The following CCDC47 variants were observed in gnomAD, a reference collection of about 807,000 sequenced individuals.
The protein encoded by CCDC47 is PAT complex subunit CCDC47.
A neutral mutation model predicts 60.5 loss-of-function variants in CCDC47; 41 were observed. The ratio of observed to expected loss-of-function variants is 0.68; its 90% CI spans 0.53 to 0.88. The LOEUF (loss-of-function observed/expected upper bound fraction) is 0.88, where lower values mean the gene tolerates loss of function less well. Ranked by LOEUF, CCDC47 falls within the 40% of genes least tolerant of loss-of-function variation. The pLI, the probability that CCDC47 is intolerant of heterozygous loss-of-function variation, is 0.00. For synonymous variants in CCDC47, 195 were observed against 190.7 expected (o/e 1.02, Z -0.18); for missense variants, 513 against 580.9 (o/e 0.88, Z 1.20).
At chr17:63,757,964 G>A (rs1045451290) in intron 6 of CCDC47, among the ~76,000 whole-genome samples, 2 of 152,132 alleles carry the variant, frequency 1.3e-5, no homozygotes, top group African/African-American at 2.4e-5. Context: ...CCGTGAAAGA[G>A]AGGGAGGACG....
At chr17:63,750,568 C>A (rs1469351294) in intron 12 of CCDC47, among the ~76,000 whole-genome samples, 1 of 151,904 alleles carries the variant, frequency 6.6e-6, no homozygotes, top group African/African-American at 2.4e-5. Context: ...AAATTCACAT[C>A]TTTCAGAACT....
intron 8 of CCDC47, 117 bp from the exon 9 acceptor site, chr17:63,754,635 T>G: frequency 1.6e-6 from 1 of 613,348 alleles, no homozygotes; most frequent in Non-Finnish European, 2.8e-6. Context: ...TCCCCGCACT[T>G]TGGGAGGCAG....
chr17:63,748,486 G>A (rs1483661833), intron 12 of CCDC47, among the ~76,000 whole-genome samples: 6 of 151,800 alleles, frequency 4.0e-5, no homozygotes, highest in African/African-American at 9.7e-5. Flanking sequence ...GTGCAATGGC[G>A]CAATCCCGAC....
At position 63,760,917 on chromosome 17, in the gene CCDC47, T is replaced by C; in HGVS notation, c.732A>G (p.Gln244=). ...LARMMRPVSD[Q]VQIKVTMNDE... is the part of the protein sequence containing the mutation. Reference sequence around the variant, plus strand: ...AACCAGCGGGAAGAATACATACCACTTGATCACTCACTGGCCTCATCATCC... The same window carrying C: ...AACCAGCGGGAAGAATACATACCACCTGATCACTCACTGGCCTCATCATCC... The change falls in exon 6 of 13, where the codon CAA becomes CAG. Residue 244 remains glutamine, a synonymous_variant. Transcript: ENST00000225726. 2 of 1,609,110 alleles carry C rather than the reference T, an allele frequency of 1.2e-6. No homozygotes were observed. The highest frequency in any genetic ancestry group is 1.7e-6 in the Non-Finnish European group (2 of 1,175,830).
intron 2 of CCDC47, among the ~76,000 whole-genome samples, chr17:63,765,274 A>G (rs920168786): frequency 2.0e-5 from 3 of 152,140 alleles, no homozygotes; most frequent in Non-Finnish European, 2.9e-5. Context: ...TTACACCTCA[A>G]TAAAGCTGGG....
At position 63,748,477 on chromosome 17, in the gene CCDC47, T is replaced by C. The variant is rs148963499; in HGVS notation, c.1372-1516A>G. 3.0e-3 allele frequency among the ~76,000 whole-genome samples: 456 copies of C among 152,014 alleles called. 4 individuals are homozygous for C. The highest frequency in any genetic ancestry group is 0.01 in the African/African-American group (433 of 41,456). The stretch of plus-strand genomic sequence containing the variant: ...TTCGCTCTTGTTCCCCAGGCTGGAG[T>C]GCAATGGCGCAATCCCGACTCACTG... On this transcript the variant is annotated intron_variant, in intron 12 of 12. Transcript: ENST00000225726.
intron 4 of CCDC47, among the ~76,000 whole-genome samples, chr17:63,763,779 G>A (rs1432647367): frequency 6.6e-6 from 1 of 151,252 alleles, no homozygotes; most frequent in African/African-American, 2.4e-5. Flanking sequence ...AGCCGAGATC[G>A]CGCCACTGCA....
chr17:63,766,255 T>C (rs1056388977), intron 1 of CCDC47, 61 bp from the exon 2 acceptor site: 5 of 1,448,698 alleles, frequency 3.5e-6, no homozygotes, highest in Non-Finnish European at 3.7e-6. Context: ...TCAGATTTTA[T>C]AAACAGTAAA....
At chr17:63,748,546 T>A (rs1460423232) in intron 12 of CCDC47, among the ~76,000 whole-genome samples, 1 of 152,186 alleles carries the variant, frequency 6.6e-6, no homozygotes, top group Non-Finnish European at 1.5e-5. Context: ...CTCTTCCCAT[T>A]GTCCCAACCC....
chr17:63,766,829 A>T (rs2039301441), intron 1 of CCDC47: 4 of 979,012 alleles, frequency 4.1e-6, no homozygotes, highest in Admixed American at 1.2e-4. Context: ...TTTCTATAGA[A>T]AATGAGAAGG....
chr17:63,748,080 C>G (rs542795172), intron 12 of CCDC47, among the ~76,000 whole-genome samples: 2 of 147,832 alleles, frequency 1.4e-5, no homozygotes, highest in Non-Finnish European at 2.9e-5. Flanking sequence ...GTCTCAAACT[C>G]CTGACCTCAG....
intron 2 of CCDC47, 152 bp from the exon 3 acceptor site, chr17:63,764,999 A>C (rs1386543373): frequency 4.2e-6 from 6 of 1,418,148 alleles, no homozygotes; most frequent in Non-Finnish European, 3.7e-6. Flanking sequence ...ACGATTGGGT[A>C]CAAATTTCAG....
chr17:63,750,696 TGCCTCAGCC>T (rs2039156255), intron 12 of CCDC47, among the ~76,000 whole-genome samples: 1 of 151,882 alleles, frequency 6.6e-6, no homozygotes, highest in Non-Finnish European at 1.5e-5. Context: ...GCAATTCTCC[TGCCTCAGCC>T]TCCTGAGTAG....
At chr17:63,750,556 T>C (rs990782901) in intron 12 of CCDC47, among the ~76,000 whole-genome samples, 1 of 151,868 alleles carries the variant, frequency 6.6e-6, no homozygotes, top group African/African-American at 2.4e-5. Flanking sequence ...TTATTCTTAC[T>C]AAAATTCACA....
intron 12 of CCDC47, among the ~76,000 whole-genome samples, chr17:63,749,631 C>T (rs1210986405): frequency 6.6e-6 from 1 of 151,734 alleles, no homozygotes; most frequent in African/African-American, 2.4e-5. Context: ...TGCCTGTAGT[C>T]CCAGCTACTA....
At chr17:63,747,700 T>C (rs2039131068) in intron 12 of CCDC47, 1 of 985,168 alleles carries the variant, frequency 1.0e-6, no homozygotes, top group East Asian at 1.1e-4. Context: ...GGGGTAAAAA[T>C]GTGCTCAGAA....
intron 12 of CCDC47, among the ~76,000 whole-genome samples, chr17:63,751,375 A>G (rs2039163795): frequency 8.1e-6 from 1 of 123,784 alleles, no homozygotes; most frequent in Non-Finnish European, 1.7e-5. Context: ...CAAAAAAAAA[A>G]AAAAAAAAAA....
Position 63,752,078 on chromosome 17 carries a change from G to A in CCDC47, c.1233C>T (p.Ala411=). 6.2e-7 allele frequency: 1 copy of A among 1,613,242 alleles called. No homozygotes were observed. The highest frequency in any genetic ancestry group is 8.5e-7 in the Non-Finnish European group (1 of 1,179,918). ...GTTTCAAGAAGTTCTCTTCTACTCG[G>A]GCACGGTTCTTATCTGCTTTTTGTT... ...EGKQKADKNR[A]RVEENFLKLT... Residue 411 remains alanine (A), a synonymous_variant, in exon 12 of 13, where the codon GCC becomes GCT. Transcript: ENST00000225726.
intron 6 of CCDC47, among the ~76,000 whole-genome samples, chr17:63,758,173 T>A (rs1393577578): frequency 6.6e-6 from 1 of 152,206 alleles, no homozygotes; most frequent in Non-Finnish European, 1.5e-5. Flanking sequence ...TAAATATAAG[T>A]GTCTTTTCAA....
Sources: gnomAD v4.1 joint callset for allele counts (sites outside exome capture counted in the v4.1 genomes callset) on GRCh38, gnomAD v4.1.1 for gene constraint, MANE v1.5 for transcripts, NCBI Gene and HGNC (gene_info 2026-07-23, HGNC 2026-07-21) for gene names.